The following MOB1B variants were observed in gnomAD, a reference collection of about 807,000 sequenced individuals.
MOB1B encodes MOB1 Mps One Binder homolog B.
A neutral mutation model predicts 24.4 loss-of-function variants in MOB1B; 19 were observed. The observed-to-expected ratio is 0.78, with a 90% CI of 0.54 to 1.14. MOB1B has a LOEUF of 1.14. Ranked by LOEUF, MOB1B falls within the 50% of genes most tolerant of loss-of-function variation. The pLI is 0.00. For missense variants in MOB1B, 243 were observed against 259.6 expected (o/e 0.94, Z 0.44); for synonymous variants, 76 against 82.1 (o/e 0.93, Z 0.40).
chr4:70,958,400 T>G (rs1354447106), intron 1 of MOB1B, among the ~76,000 whole-genome samples: 1 of 152,040 alleles, frequency 6.6e-6, no homozygotes, highest in Non-Finnish European at 1.5e-5. Flanking sequence ...CTCCTGACCC[T>G]TGGGTAATCC....
intron 1 of MOB1B, among the ~76,000 whole-genome samples, chr4:70,912,895 G>A (rs1736051879): frequency 6.6e-6 from 1 of 152,290 alleles, no homozygotes. Flanking sequence ...TGAGTAGCTG[G>A]GACTACAAGC....
intron 1 of MOB1B, among the ~76,000 whole-genome samples, chr4:70,953,651 G>A (rs753822535): frequency 3.9e-5 from 6 of 152,134 alleles, no homozygotes; most frequent in Non-Finnish European, 7.4e-5. Context: ...AGCATAAGAA[G>A]AAAATTGCAG....
chr4:70,904,264 G>A lies in MOB1B; in HGVS notation c.14+1714G>A, dbSNP rs570009734. On this transcript the variant is annotated intron_variant, in intron 1 of 5. Transcript: ENST00000309395. Reference sequence around the variant, plus strand: ...CTCCCAAAGTGCTGGGATTACAGACGTGAGCCCACCGTGCCTGGGCAGTTT... The same window carrying A: ...CTCCCAAAGTGCTGGGATTACAGACATGAGCCCACCGTGCCTGGGCAGTTT... Among the ~76,000 whole-genome samples, 18 of 151,858 alleles carry A rather than the reference G, an allele frequency of 1.2e-4. 1 individual carries two copies. The South Asian group carries it at 3.7e-3, about 32-fold the overall frequency.
chr4:70,978,926 T>C (rs900293561), intron 4 of MOB1B, among the ~76,000 whole-genome samples: 3 of 152,218 alleles, frequency 2.0e-5, no homozygotes, highest in Admixed American at 6.5e-5. Flanking sequence ...AGACTAATTC[T>C]TATACCATAA....
intron 2 of MOB1B, 52 bp from the exon 3 acceptor site, chr4:70,969,879 C>A: frequency 2.0e-6 from 2 of 1,008,256 alleles, no homozygotes; most frequent in South Asian, 1.5e-5. Context: ...ATTAAAATTT[C>A]ATTTTAAATT....
At chr4:70,914,387 CT>C (rs200873916) in intron 1 of MOB1B, among the ~76,000 whole-genome samples, 1,643 of 152,280 alleles carry the variant, frequency 0.011, 28 homozygotes, top group African/African-American at 0.038. Context: ...CACTTCCTTA[CT>C]TCCTGGCACA....
At chr4:70,938,897 C>A (rs1404272527) in intron 1 of MOB1B, among the ~76,000 whole-genome samples, 1 of 151,860 alleles carries the variant, frequency 6.6e-6, no homozygotes, top group African/African-American at 2.4e-5. Flanking sequence ...CCTGCCTTAG[C>A]CTCCCAGGTA....
In MOB1B at chr4:70,979,161, CA is replaced by C; in HGVS notation, c.448del (p.Thr150LeufsTer21). ...TTCCCAAAGAATTTCATGTCTGTGG[CA>C]AAAACTATACTCAAACGCCTCTTTA... ...VPFPKNFMSV[A>X]KTILKRLFRV... On this transcript the variant is annotated frameshift_variant, in exon 5 of 6. Transcript: ENST00000309395. LOFTEE classifies it high-confidence loss of function. 1.2e-6 allele frequency: 2 copies of C among 1,613,606 alleles called. No homozygotes were observed. The highest frequency in any genetic ancestry group is 1.7e-6 in the Non-Finnish European group (2 of 1,179,720).
intron 1 of MOB1B, among the ~76,000 whole-genome samples, chr4:70,926,552 G>A (rs1013436155): frequency 1.3e-5 from 2 of 152,188 alleles, no homozygotes; most frequent in Non-Finnish European, 2.9e-5. Context: ...CCCAAGCCCA[G>A]TGTATAAACT....
intron 3 of MOB1B, among the ~76,000 whole-genome samples, chr4:70,974,784 G>T (rs1242820509): frequency 6.6e-6 from 1 of 152,164 alleles, no homozygotes; most frequent in Non-Finnish European, 1.5e-5. Context: ...GTAAGGAGAA[G>T]TGGTTTTTAA....
In MOB1B at chr4:70,902,587, G is replaced by A; in HGVS notation, c.14+37G>A. 2.0e-6 allele frequency: 3 copies of A among 1,535,780 alleles called. No homozygotes were observed. The highest frequency in any genetic ancestry group is 2.6e-6 in the Non-Finnish European group (3 of 1,144,062). ...GGCCCCGCACGCGCCGGCTTTGTTC[G>A]GGTGGACCTGGGCCCCCGCCCGCCG... On this transcript the variant is annotated intron_variant, in intron 1 of 5. Coordinates refer to ENST00000309395, the MANE Select transcript of MOB1B (RefSeq NM_173468.4).
intron 1 of MOB1B, among the ~76,000 whole-genome samples, chr4:70,915,699 A>C (rs1476076102): frequency 6.6e-6 from 1 of 151,234 alleles, no homozygotes; most frequent in Non-Finnish European, 1.5e-5. Context: ...TGTGACCCTG[A>C]GAAATCTTTA....
rs556577982 is a variant in MOB1B, at chr4:70,970,431, G to A, written c.275+407G>A. On this transcript the variant is annotated intron_variant, in intron 3 of 5. Coordinates refer to ENST00000309395, the MANE Select transcript of MOB1B (RefSeq NM_173468.4). ...CTGTCAAAGCCTTCTGATTTCATCA[G>A]ACTAACTTTTTTTACCTTTGTAATG... Among the ~76,000 whole-genome samples, 11 of 152,216 alleles carry A rather than the reference G, an allele frequency of 7.2e-5. No homozygotes were observed. The East Asian group carries it at 1.9e-3, about 27-fold the overall frequency.
Position 70,982,186 on chromosome 4 carries a change from C to T in MOB1B, c.*129C>T. ...TTGGGGGCGGGGGCTTGTTTGGGTT[C>T]CTTTTTCTTTATTCTGATTATGTGA... On this transcript the variant is annotated 3_prime_UTR_variant, in exon 6 of 6. Transcript: ENST00000309395. 1.7e-6 allele frequency: 1 copy of T among 603,066 alleles called. No homozygotes were observed. Among genetic ancestry groups the T allele is most frequent in the South Asian group, 2.2e-5 (1 of 44,608 alleles). The allele number at this position is 603,066 out of a possible 1,614,324, so 37.4% of individuals were successfully genotyped here.
chr4:70,959,348 T>C (rs1738201600), intron 2 of MOB1B, among the ~76,000 whole-genome samples: 3 of 152,188 alleles, frequency 2.0e-5, no homozygotes, highest in African/African-American at 4.8e-5. Flanking sequence ...TAGCTGGGAC[T>C]GTAGGCACAT....
At chr4:70,930,821 C>T (rs1420376459) in intron 1 of MOB1B, among the ~76,000 whole-genome samples, 1 of 152,002 alleles carries the variant, frequency 6.6e-6, no homozygotes, top group East Asian at 1.9e-4. Context: ...CTGTTATCCT[C>T]TCTTAGTTTA....
intron 1 of MOB1B, among the ~76,000 whole-genome samples, chr4:70,912,453 T>C (rs1736029263): frequency 6.6e-6 from 1 of 151,952 alleles, no homozygotes; most frequent in East Asian, 1.9e-4. Context: ...CTAATTTTTA[T>C]ATTCTTAGTA....
At chr4:70,934,731 C>T (rs1340063422) in intron 1 of MOB1B, among the ~76,000 whole-genome samples, 1 of 152,116 alleles carries the variant, frequency 6.6e-6, no homozygotes, top group Non-Finnish European at 1.5e-5. Flanking sequence ...GTTGGGATTA[C>T]AGGTGTGAGC....
chr4:70,944,618 G>T (rs2126722), intron 1 of MOB1B, among the ~76,000 whole-genome samples: 122,732 of 152,010 alleles, frequency 0.81, 52,976 homozygotes, highest in Non-Finnish European at 0.96. Context: ...ATTGGCTCAG[G>T]TTCTGCAGGC....
Sources: gnomAD v4.1 joint callset for allele counts (sites outside exome capture counted in the v4.1 genomes callset) on GRCh38, gnomAD v4.1.1 for gene constraint, MANE v1.5 for transcripts, NCBI Gene and HGNC (gene_info 2026-07-23, HGNC 2026-07-21) for gene names.